EIF4E3: variants seen among roughly 807,000 people sequenced by gnomAD.
The protein encoded by EIF4E3 is eukaryotic translation initiation factor 4E type 3.
EIF4E3 carries 26 observed loss-of-function variants against 31.7 expected under a neutral mutation model. The observed-to-expected ratio is 0.82, with a 90% confidence interval of 0.60 to 1.14. EIF4E3 has a LOEUF of 1.14. Ranked by LOEUF, EIF4E3 falls within the 50% of genes most tolerant of loss-of-function variation. The pLI is 0.00. For missense variants in EIF4E3, 304 were observed against 270.9 expected, an observed-to-expected ratio of 1.12 and a Z score of -0.86; for synonymous variants, 128 against 107.7, an observed-to-expected ratio of 1.19 and a Z score of -1.17.
At chr3:71,754,178 C>A (rs752417794), upstream of EIF4E3, 5 of 1,442,848 alleles carry the variant, frequency 3.5e-6, no homozygotes, top group South Asian at 1.2e-5. This position sits in a 1 kb window ranked among gnomAD's most constrained non-coding sequence, Gnocchi z 5.8. Context: ...CGCTGCTGAT[C>A]GTGCGGGAGC....
Position 71,725,187 on chromosome 3 carries a change from C to T in EIF4E3, c.176+5G>A. On this transcript the variant is annotated splice_donor_5th_base_variant and intron_variant, in intron 1 of 6. Transcript: ENST00000425534. This position sits in a 1 kb window ranked among gnomAD's most constrained non-coding sequence, Gnocchi z 6.1. ...CCGTGCGCGGCGGGCCCCGCGCCCC[C>T]TCACCTGTCGAGCCAGAAGGTCCAG... The T allele has an allele frequency of 1.8e-6, 2 of 1,106,712 alleles. No homozygotes were observed. Among genetic ancestry groups the T allele is most frequent in the Non-Finnish European group, 2.2e-6 (2 of 908,440 alleles). 68.6% of individuals were successfully genotyped at this position (1,106,712 alleles called of 1,614,324 possible). A position where few individuals can be genotyped will look rare whatever the true frequency, so the allele number is the denominator to read the frequency against.
At chr3:71,723,571 C>A (rs1434832023) in intron 1 of EIF4E3, among the ~76,000 whole-genome samples, 1 of 152,060 alleles carries the variant, frequency 6.6e-6, no homozygotes, top group Non-Finnish European at 1.5e-5. Flanking sequence ...CATTTTAGAC[C>A]AGTCCTTAAA....
intron 2 of EIF4E3, among the ~76,000 whole-genome samples, chr3:71,708,562 A>G (rs1488172452): frequency 1.3e-5 from 2 of 151,934 alleles, no homozygotes; most frequent in African/African-American, 2.4e-5. Context: ...CAGGGGCTCT[A>G]CCAAATACCC....
At chr3:71,696,424 C>G (rs376929795) in intron 4 of EIF4E3, 36 bp downstream of exon 4, 23 of 1,612,624 alleles carry the variant, frequency 1.4e-5, no homozygotes, top group Non-Finnish European at 2.0e-5. Flanking sequence ...AACTCCAAGC[C>G]TCGCCGGTTC....
At chr3:71,668,415 G>C in the EIF4E3 span, among the ~76,000 whole-genome samples, 2 of 152,094 alleles carry the variant, frequency 1.3e-5, no homozygotes, top group Non-Finnish European at 2.9e-5. Context: ...TCAAACTAAA[G>C]AGCTTCTGCA....
chr3:71,665,377 C>A, the EIF4E3 span, among the ~76,000 whole-genome samples: 50 of 152,324 alleles, frequency 3.3e-4, no homozygotes, highest in African/African-American at 1.2e-3. Context: ...TTAACACTGA[C>A]AGGTTGCACA....
downstream of EIF4E3, among the ~76,000 whole-genome samples, chr3:71,674,075 T>C (rs2048859933): frequency 7.3e-6 from 1 of 137,640 alleles, no homozygotes; most frequent in African/African-American, 2.7e-5. Flanking sequence ...CTCTAAAACA[T>C]TTTCATCAAC....
intron 6 of EIF4E3, 34 bp from the exon 7 acceptor site, chr3:71,684,762 AG>A: frequency 6.2e-7 from 1 of 1,610,204 alleles, no homozygotes; most frequent in Non-Finnish European, 8.5e-7. Context: ...AAAGAAAAAA[AG>A]GAAAGAAAAC....
the EIF4E3 span, among the ~76,000 whole-genome samples, chr3:71,662,666 C>T: frequency 1.2e-4 from 19 of 152,290 alleles, no homozygotes; most frequent in African/African-American, 4.6e-4. Context: ...GGGGCTTGGG[C>T]TTCACCACCA....
chr3:71,683,819 G>A lies in EIF4E3; in HGVS notation c.*863C>T, dbSNP rs938308473. The A allele has an allele frequency of 3.3e-5, 5 of 152,308 alleles. No homozygotes were observed. Among genetic ancestry groups the A allele is most frequent in the African/African-American group, 9.6e-5 (4 of 41,576 alleles). 9.4% of individuals were successfully genotyped at this position (152,308 alleles called of 1,614,324 possible). A position where few individuals can be genotyped will look rare whatever the true frequency, so the allele number is the denominator to read the frequency against. Reference sequence around the variant, plus strand: ...TAAACACACCCGAACTTTGCAAGGAGCTTAATTCAAACAATTAAAATATCA... The same window carrying A: ...TAAACACACCCGAACTTTGCAAGGAACTTAATTCAAACAATTAAAATATCA... On this transcript the variant is annotated 3_prime_UTR_variant, in exon 7 of 7. Transcript: ENST00000425534.
intron 1 of EIF4E3, among the ~76,000 whole-genome samples, chr3:71,719,694 T>C (rs2108106134): frequency 6.6e-6 from 1 of 152,110 alleles, no homozygotes; most frequent in South Asian, 2.1e-4. Flanking sequence ...TGAGTGGTAA[T>C]GTGGAGTTGA....
intron 5 of EIF4E3, among the ~76,000 whole-genome samples, chr3:71,691,299 C>T (rs2049059971): frequency 6.6e-6 from 1 of 152,200 alleles, no homozygotes. Flanking sequence ...GAAGTTAAAA[C>T]ATTTTAGTAT....
chr3:71,753,241 C>T (rs1578398151), intron 1 of EIF4E3, among the ~76,000 whole-genome samples: 1 of 152,194 alleles, frequency 6.6e-6, no homozygotes, highest in South Asian at 2.1e-4. Flanking sequence ...TTGCCAAGCT[C>T]CCCAGCACAC....
chr3:71,710,605 C>T, intron 1 of EIF4E3, 121 bp from the exon 2 acceptor site: 1 of 874,170 alleles, frequency 1.1e-6, no homozygotes, highest in East Asian at 2.8e-5. Flanking sequence ...CAGGACTGGA[C>T]ATTTTGGGGA....
chr3:71,753,055 ATGCTGCGGAG>A (rs1197895136), intron 1 of EIF4E3, among the ~76,000 whole-genome samples: 7 of 152,172 alleles, frequency 4.6e-5, no homozygotes, highest in Non-Finnish European at 1.0e-4. Context: ...CGAGCAGGGG[ATGCTGCGGAG>A]TCGCTGTGAG....
At chr3:71,672,874 A>G (rs1455675814), downstream of EIF4E3, among the ~76,000 whole-genome samples, 1 of 152,182 alleles carries the variant, frequency 6.6e-6, no homozygotes, top group East Asian at 1.9e-4. Context: ...AATTTAAAAA[A>G]TAGAGTTATC....
At chr3:71,754,299 G>A (rs779604422), upstream of EIF4E3, 3 of 1,150,466 alleles carry the variant, frequency 2.6e-6, no homozygotes, top group Admixed American at 9.6e-5. This position sits in a 1 kb window ranked among gnomAD's most constrained non-coding sequence, Gnocchi z 5.8. Context: ...GCGTGCGGCG[G>A]CCGCGGCGGG....
At chr3:71,689,363 A>G (rs1228283164) in intron 6 of EIF4E3, among the ~76,000 whole-genome samples, 1 of 152,248 alleles carries the variant, frequency 6.6e-6, no homozygotes, top group Non-Finnish European at 1.5e-5. Flanking sequence ...TTGGTTTAAT[A>G]GCACTAAGAT....
At chr3:71,696,039 T>C (rs2049131232) in intron 4 of EIF4E3, among the ~76,000 whole-genome samples, 1 of 152,236 alleles carries the variant, frequency 6.6e-6, no homozygotes, top group South Asian at 2.1e-4. Context: ...CTATTCTCTG[T>C]GACATGGTCA....
Sources: gnomAD v4.1 joint callset for allele counts (sites outside exome capture counted in the v4.1 genomes callset) on GRCh38, gnomAD v4.1.1 for gene constraint, Gnocchi (gnomAD v3.1) non-coding constraint, MANE v1.5 for transcripts, NCBI Gene and HGNC (gene_info 2026-07-23, HGNC 2026-07-21) for gene names.